Variants in COP1 observed in about 807,000 individuals in gnomAD.
The protein encoded by COP1 is E3 ubiquitin-protein ligase COP1.
A neutral mutation model predicts 101.3 loss-of-function variants in COP1; 24 were observed. The ratio of observed to expected loss-of-function variants is 0.24; its 90% CI spans 0.17 to 0.33. The LOEUF is 0.33. COP1 is among the 10% of genes least tolerant of loss of function. COP1 has a pLI of 1.00. For synonymous variants in COP1, 347 were observed against 341.9 expected (o/e 1.01, Z -0.17); for missense variants, 663 against 906.2 (o/e 0.73, Z 3.45).
intron 11 of COP1, among the ~76,000 whole-genome samples, chr1:176,079,672 AAAAAT>A (rs1678744704): frequency 6.6e-6 from 1 of 150,928 alleles, no homozygotes; most frequent in Non-Finnish European, 1.5e-5. Flanking sequence ...AAAATAATAA[AAAAAT>A]AAAAGTGGTC....
Position 176,197,549 on chromosome 1 carries a change from C to T in COP1, c.407+9023G>A, listed in dbSNP as rs139583090. ...CCACCTAGTCTGTTGTATTTTGTTA[C>T]GGCAGCCCAAGCAAACCAATACACT... is the stretch of plus-strand genomic sequence containing the variant. On this transcript the variant is annotated intron_variant, in intron 1 of 19. Transcript: ENST00000367669. Among the ~76,000 whole-genome samples the T allele has an allele frequency of 2.7e-3, 414 of 152,166 alleles. 3 individuals carry two copies. The highest frequency in any genetic ancestry group is 9.3e-3 in the African/African-American group (386 of 41,496).
rs1238597446 is a variant in COP1 at position 176,102,667 on chromosome 1, A to G, written c.1026+13957T>C. Among the ~76,000 whole-genome samples, 3 of 152,240 alleles carry G rather than the reference A, an allele frequency of 2.0e-5. No individual in the cohort carries two copies. In the East Asian group the frequency reaches 5.8e-4, roughly 29 times the overall value. ...TGCCTGGGGACTAGACTGTCTTTGT[A>G]AGACTAACAAATTAGCCACAAGATT... On this transcript the variant is annotated intron_variant, in intron 9 of 19. Coordinates refer to ENST00000367669, the MANE Select transcript of COP1 (RefSeq NM_022457.7).
At chr1:176,010,165 T>A (rs1664391556) in intron 15 of COP1, among the ~76,000 whole-genome samples, 1 of 152,066 alleles carries the variant, frequency 6.6e-6, no homozygotes, top group Admixed American at 6.6e-5. Flanking sequence ...CACCGCCTCT[T>A]GTCTCTCTCT....
chr1:176,194,838 G>A (rs924225110), intron 1 of COP1, among the ~76,000 whole-genome samples: 3 of 151,970 alleles, frequency 2.0e-5, no homozygotes, highest in African/African-American at 7.3e-5. Flanking sequence ...CACTATGGGA[G>A]CCCAAGGCAG....
In COP1 at chr1:175,945,286, C is replaced by T. The variant is rs895783636; in HGVS notation, c.2179-116G>A. The T allele has an allele frequency of 3.0e-4, 214 of 710,128 alleles. 1 individual carries two copies. The highest frequency in any genetic ancestry group is 4.2e-4 in the Non-Finnish European group (182 of 434,986). The allele number at this position is 710,128 out of a possible 1,614,324, so 44.0% of individuals were successfully genotyped here. ...AGCAAATTTAAAAAACGTTTCCCAA[C>T]TGGGAAAATGCCAAAGAATTTGAAT... On this transcript the variant is annotated intron_variant, in intron 19 of 19. Coordinates refer to ENST00000367669, the MANE Select transcript of COP1 (RefSeq NM_022457.7).
At chr1:176,076,431 T>C (rs1208534527) in intron 11 of COP1, among the ~76,000 whole-genome samples, 2 of 152,054 alleles carry the variant, frequency 1.3e-5, no homozygotes, top group African/African-American at 2.4e-5. Flanking sequence ...TTAATGAAAA[T>C]AGAGATACAA....
chr1:175,959,608 T>C (rs56876517), intron 18 of COP1, among the ~76,000 whole-genome samples: 7 of 152,086 alleles, frequency 4.6e-5, no homozygotes, highest in Non-Finnish European at 8.8e-5. Flanking sequence ...AGCAAGATGG[T>C]TGGATTAAAA....
chr1:176,063,047 G>GTTTTTTTTT (rs34464104), intron 11 of COP1, among the ~76,000 whole-genome samples: 21 of 90,590 alleles, frequency 2.3e-4, no homozygotes, highest in Non-Finnish European at 2.9e-4. Context: ...TTTTGAAAAT[G>GTTTTTTTTT]TTTTTTTTTT....
chr1:176,137,293 T>A (rs1463688374), intron 6 of COP1, among the ~76,000 whole-genome samples: 1 of 152,218 alleles, frequency 6.6e-6, no homozygotes, highest in African/African-American at 2.4e-5. Context: ...CATTAGAGAT[T>A]TAAGTTGCCT....
chr1:175,972,712 C>T (rs570155520), intron 18 of COP1, among the ~76,000 whole-genome samples: 8 of 152,088 alleles, frequency 5.3e-5, no homozygotes, highest in African/African-American at 1.2e-4. Flanking sequence ...GTGATCTGCC[C>T]GCCTCGACCT....
intron 15 of COP1, among the ~76,000 whole-genome samples, chr1:176,017,819 C>T (rs1665943826): frequency 6.6e-6 from 1 of 152,128 alleles, no homozygotes; most frequent in East Asian, 1.9e-4. Flanking sequence ...GCCACTGTGC[C>T]CAGACTCATT....
chr1:176,172,207 G>A lies in COP1; in HGVS notation c.565+3703C>T, dbSNP rs561525750. ...TAGGACAACAGCTGCATACCAACAC[G>A]CCTGGCTAATTTTTTATAGAGACAA... is the stretch of plus-strand genomic sequence containing the variant. On this transcript the variant is annotated intron_variant, in intron 3 of 19. Transcript: ENST00000367669. Among the ~76,000 whole-genome samples the A allele has an allele frequency of 1.6e-4, 24 of 152,138 alleles. No individual in the cohort carries two copies. The South Asian group carries it at 4.4e-3, about 28-fold the overall frequency.
chr1:176,027,805 C>T, intron 14 of COP1, 117 bp from the exon 15 acceptor site: 1 of 663,020 alleles, frequency 1.5e-6, no homozygotes, highest in South Asian at 1.8e-5. Flanking sequence ...CACTCTAAAA[C>T]ATTTGGTTTA....
intron 18 of COP1, among the ~76,000 whole-genome samples, chr1:175,970,830 C>T (rs1286601036): frequency 1.2e-4 from 18 of 152,058 alleles, no homozygotes; most frequent in Non-Finnish European, 2.1e-4. Flanking sequence ...GATAGAGGTA[C>T]ATGCAAATGC....
chr1:175,957,536 C>G (rs1650814019), intron 18 of COP1, among the ~76,000 whole-genome samples: 1 of 152,164 alleles, frequency 6.6e-6, no homozygotes, highest in African/African-American at 2.4e-5. Flanking sequence ...ATGATGAAAT[C>G]AAATCACCTA....
chr1:176,150,960 A>G (rs998642190), intron 5 of COP1, among the ~76,000 whole-genome samples: 24 of 152,180 alleles, frequency 1.6e-4, no homozygotes, highest in East Asian at 3.9e-4. Context: ...AAGGAAAATT[A>G]TAAAAAAGAG....
intron 15 of COP1, among the ~76,000 whole-genome samples, chr1:176,003,291 T>G (rs1039306901): frequency 3.3e-5 from 5 of 152,212 alleles, no homozygotes; most frequent in African/African-American, 1.2e-4. Flanking sequence ...TTTCTCCCAT[T>G]CTGTAGGTTG....
At chr1:176,185,913 C>T (rs1241447447) in intron 1 of COP1, among the ~76,000 whole-genome samples, 2 of 152,162 alleles carry the variant, frequency 1.3e-5, no homozygotes, top group African/African-American at 4.8e-5. Context: ...CTCACTCCTT[C>T]AAGAAAAATT....
intron 14 of COP1, among the ~76,000 whole-genome samples, chr1:176,037,460 T>C (rs1203839415): frequency 7.5e-6 from 1 of 133,806 alleles, no homozygotes; most frequent in Non-Finnish European, 1.6e-5. Flanking sequence ...AAGAGGAAAA[T>C]CATTTTATGA....
Sources: gnomAD v4.1 joint callset for allele counts (sites outside exome capture counted in the v4.1 genomes callset) on GRCh38, gnomAD v4.1.1 for gene constraint, MANE v1.5 for transcripts, NCBI Gene and HGNC (gene_info 2026-07-23, HGNC 2026-07-21) for gene names.